Variants in SRP72 observed in about 807,000 individuals in gnomAD.
SRP72 encodes the protein signal recognition particle subunit SRP72.
Under a neutral mutation model 96.3 loss-of-function variants are expected in SRP72, and 49 were observed. The observed-to-expected ratio is 0.51, with a 90% confidence interval of 0.40 to 0.65. SRP72 has a LOEUF of 0.65. SRP72 is among the 30% of genes least tolerant of loss of function. The pLI, the probability that SRP72 is intolerant of heterozygous loss-of-function variation, is 0.00. For missense variants in SRP72, 736 were observed against 793.3 expected, an observed-to-expected ratio of 0.93 and a Z score of 0.87; for synonymous variants, 267 against 275.2, an observed-to-expected ratio of 0.97 and a Z score of 0.30.
At chr4:56,482,257 C>T (rs545947309) in intron 8 of SRP72, among the ~76,000 whole-genome samples, 3 of 148,488 alleles carry the variant, frequency 2.0e-5, no homozygotes, top group African/African-American at 5.0e-5. Context: ...CTGGCTAACA[C>T]GGTGAAACCC....
At chr4:56,478,014 GA>G (rs1162325489) in intron 6 of SRP72, among the ~76,000 whole-genome samples, 2 of 152,026 alleles carry the variant, frequency 1.3e-5, no homozygotes, top group Admixed American at 1.3e-4. Context: ...AGAATTTAGG[GA>G]TATCATTATA....
chr4:56,495,179 A>G (rs909514142), intron 16 of SRP72, 178 bp from the exon 17 acceptor site: 35 of 397,608 alleles, frequency 8.8e-5, no homozygotes, highest in Admixed American at 3.1e-4. Context: ...TAGTATCTGA[A>G]GCTTAATTGA....
chr4:56,470,348 G>C (rs1220366198), intron 2 of SRP72, among the ~76,000 whole-genome samples: 1 of 152,138 alleles, frequency 6.6e-6, no homozygotes, highest in Non-Finnish European at 1.5e-5. Context: ...AGACCAGACC[G>C]AGCAATATGG....
intron 10 of SRP72, among the ~76,000 whole-genome samples, chr4:56,485,430 G>A (rs1473233073): frequency 6.7e-6 from 1 of 148,500 alleles, no homozygotes; most frequent in African/African-American, 2.5e-5. Flanking sequence ...AATCTATTTA[G>A]TAATCTTTAT....
rs745799733 is a variant in SRP72, at chr4:56,483,214, A to G, written c.901A>G (p.Lys301Glu). 1 of 1,612,568 alleles carries G rather than the reference A, an allele frequency of 6.2e-7. No individual in the cohort carries two copies. Among genetic ancestry groups the G allele is most frequent in the Non-Finnish European group, 8.5e-7 (1 of 1,179,788 alleles). The change falls in exon 9 of 19, where the codon AAA (lysine) becomes GAA (glutamate). Residue 301 changes from lysine (K) to glutamate (E), a missense_variant. Lys to Glu is a moderately conservative substitution (Grantham distance 56). Transcript: ENST00000642900. ...AEGVEFKLSK[K>E]QLQAIEFNKA... ...AGGAGTAGAGTTTAAGCTTTCCAAG[A>G]AACAACTACAAGCTATAGAATTTAA...
At chr4:56,470,313 G>C (rs1416557022) in intron 2 of SRP72, among the ~76,000 whole-genome samples, 1 of 152,074 alleles carries the variant, frequency 6.6e-6, no homozygotes, top group Non-Finnish European at 1.5e-5. Flanking sequence ...GGCCTAAGAG[G>C]GCGGATCACG....
At chr4:56,478,336 C>G (rs762500666) in intron 6 of SRP72, 43 bp from the exon 7 acceptor site, 9 of 1,526,702 alleles carry the variant, frequency 5.9e-6, no homozygotes, top group East Asian at 2.3e-5. Context: ...ATATGTAGAT[C>G]AGTTTGGAAA....
chr4:56,474,127 A>G lies in SRP72; in HGVS notation c.428A>G (p.Tyr143Cys). ...CTCGTCCGAAACTCCCAAGATGATT[A>G]TGATGAGGAGAGGAAAACAAACCTT... is the stretch of plus-strand genomic sequence containing the variant. ...RDLVRNSQDDYDEERKTNLSA... is the reference protein window; with the variant it reads ...RDLVRNSQDDCDEERKTNLSA... Residue 143 changes from tyrosine (Y) to cysteine (C), a missense_variant, in exon 4 of 19, where the codon TAT (tyrosine) becomes TGT (cysteine). Physicochemically the swap from Tyr to Cys is radical, Grantham distance 194. Transcript: ENST00000642900. 1 of 1,614,238 alleles carries G rather than the reference A, an allele frequency of 6.2e-7. No individual in the cohort carries two copies. Among genetic ancestry groups the G allele is most frequent in the Non-Finnish European group, 8.5e-7 (1 of 1,180,040 alleles).
chr4:56,493,104 C>G (rs1720964311), intron 16 of SRP72, among the ~76,000 whole-genome samples: 1 of 152,132 alleles, frequency 6.6e-6, no homozygotes, highest in South Asian at 2.1e-4. Flanking sequence ...GTGACTCAAT[C>G]TCAGCTCACT....
At chr4:56,472,794 T>C (rs1310134667) in intron 3 of SRP72, among the ~76,000 whole-genome samples, 3 of 152,220 alleles carry the variant, frequency 2.0e-5, no homozygotes, top group African/African-American at 4.8e-5. Context: ...TAAAAAACTT[T>C]TAAGGTAAAC....
At position 56,501,804 on chromosome 4, in the gene SRP72, A is replaced by G. The variant is rs1721270565; in HGVS notation, c.1959A>G (p.Pro653=). The change falls in exon 19 of 19, where the codon CCA becomes CCG. Residue 653 remains proline (P), a synonymous_variant. Transcript: ENST00000642900. ...PPRHQKPAGA[P]ATKKKQQQKK... is the part of the protein sequence containing the mutation. ...GACACCAGAAACCTGCAGGGGCTCC[A>G]GCAACAAAAAAGAAACAGCAACAGA... 1.9e-6 allele frequency: 3 copies of G among 1,614,156 alleles called. No individual in the cohort carries two copies. Among genetic ancestry groups the G allele is most frequent in the Non-Finnish European group, 2.5e-6 (3 of 1,180,006 alleles).
At position 56,471,709 on chromosome 4, in the gene SRP72, TC is replaced by T. The variant is rs777099433; in HGVS notation, c.231-9del. 1.2e-6 allele frequency: 2 copies of T among 1,610,954 alleles called. No homozygotes were observed. Among genetic ancestry groups the T allele is most frequent in the South Asian group, 1.1e-5 (1 of 90,542 alleles). ...ATAATAATCAGATACTGTTTTTTTT[TC>T]CTTCTTCAGTAACTCTCTCTCCTTT... On this transcript the variant is annotated splice_polypyrimidine_tract_variant and intron_variant, in intron 2 of 18. Transcript: ENST00000642900.
chr4:56,484,945 G>A (rs1720649448), intron 10 of SRP72, 81 bp downstream of exon 10: 2 of 1,477,884 alleles, frequency 1.4e-6, no homozygotes, highest in South Asian at 1.4e-5. Context: ...CTACTAGCAT[G>A]TAAATTTAAT....
At chr4:56,500,788 A>G (rs1191482203) in intron 18 of SRP72, 93 bp downstream of exon 18, 3 of 1,221,020 alleles carry the variant, frequency 2.5e-6, no homozygotes, top group Non-Finnish European at 3.3e-6. Context: ...AATATAAAGT[A>G]TGAGAAATGT....
At chr4:56,500,242 G>C (rs938267686) in intron 17 of SRP72, among the ~76,000 whole-genome samples, 2 of 152,186 alleles carry the variant, frequency 1.3e-5, no homozygotes, top group Middle Eastern at 3.4e-3. Context: ...GGGAGGGATA[G>C]CATTGGGAGA....
chr4:56,481,054 A>C (rs904874009), intron 8 of SRP72, among the ~76,000 whole-genome samples: 3 of 152,204 alleles, frequency 2.0e-5, no homozygotes, highest in African/African-American at 7.2e-5. Flanking sequence ...GTTTAAGAAA[A>C]GTCTGGCAGT....
At position 56,473,560 on chromosome 4, in the gene SRP72, G is replaced by C. The variant is rs537172752; in HGVS notation, c.355-494G>C. 8.2e-4 allele frequency among the ~76,000 whole-genome samples: 124 copies of C among 151,808 alleles called. 1 individual carries two copies. Among genetic ancestry groups the C allele is most frequent in the African/African-American group, 2.9e-3 (122 of 41,412 alleles). Reference sequence around the variant, plus strand: ...GAGGTGGGCGGATCACTTGAGGTTGGGAGTTTGAGACTAGCCTGACCATGG... The same window carrying C: ...GAGGTGGGCGGATCACTTGAGGTTGCGAGTTTGAGACTAGCCTGACCATGG... On this transcript the variant is annotated intron_variant, in intron 3 of 18. Transcript: ENST00000642900.
rs1227854306 is a variant in SRP72 at position 56,502,454 on chromosome 4, ACTTTTCATGTT to A, written c.*594_*604del. ...GTCATGTGATACTGGAATATGGGAT[ACTTTTCATGTT>A]TATATATATATATATATGTATATAT... On this transcript the variant is annotated 3_prime_UTR_variant, in exon 19 of 19. Transcript: ENST00000642900. 3 of 141,744 alleles carry A rather than the reference ACTTTTCATGTT, an allele frequency of 2.1e-5. No individual in the cohort carries two copies. The highest frequency in any genetic ancestry group is 7.8e-5 in the African/African-American group (3 of 38,224). The allele number at this position is 141,744 out of a possible 1,614,324, so 8.8% of individuals were successfully genotyped here.
rs1305535457 is a variant in SRP72, at chr4:56,474,267, TG to T, written c.499-12del. The T allele has an allele frequency of 1.9e-6, 3 of 1,613,694 alleles. No individual in the cohort carries two copies. The highest frequency in any genetic ancestry group is 2.2e-5 in the East Asian group (1 of 44,884). On this transcript the variant is annotated splice_polypyrimidine_tract_variant and intron_variant, in intron 4 of 18. Transcript: ENST00000642900. ...CATATTTAGTATTTAACTGGTATTT[TG>T]TCCCCTGACAGGAGAACCTGGGCCT...
Sources: allele counts gnomAD v4.1 joint callset (sites outside exome capture counted in the v4.1 genomes callset), GRCh38; gene constraint gnomAD v4.1.1; transcripts MANE v1.5; gene names NCBI Gene and HGNC (gene_info 2026-07-23, HGNC 2026-07-21).